CLVS1: variants seen among roughly 807,000 people sequenced by gnomAD.
CLVS1 encodes clavesin-1.
In CLVS1, 10 loss-of-function variants were observed where a neutral mutation model predicts 33.1. The observed-to-expected ratio is 0.30, with a 90% CI of 0.19 to 0.51. The LOEUF is 0.51. Among genes scored for constraint, CLVS1 ranks in the 20% least tolerant of loss-of-function variants. The probability of loss-of-function intolerance (pLI) is 0.97; values close to 1 mark genes in which losing one functional copy is unlikely to be tolerated. For synonymous variants in CLVS1, 163 were observed against 166.1 expected (o/e 0.98, Z 0.14); for missense variants, 343 against 433.4 (o/e 0.79, Z 1.85).
the CLVS1 span, among the ~76,000 whole-genome samples, chr8:60,971,844 A>C: frequency 1.3e-5 from 2 of 148,924 alleles, no homozygotes; most frequent in African/African-American, 5.0e-5. Context: ...CATCACCCCC[A>C]CCCCCACCTT....
intron 2 of CLVS1, among the ~76,000 whole-genome samples, chr8:61,261,210 C>G (rs1183081454): frequency 6.6e-6 from 1 of 152,118 alleles, no homozygotes; most frequent in African/African-American, 2.4e-5. Context: ...GACCCTTGAC[C>G]AGCCCCATCC....
intron 3 of CLVS1, among the ~76,000 whole-genome samples, chr8:61,427,242 C>T (rs1350942631): frequency 6.6e-6 from 1 of 152,148 alleles, no homozygotes; most frequent in African/African-American, 2.4e-5. Flanking sequence ...TACTCTGCAG[C>T]CTATCACTCT....
intron 2 of CLVS1, among the ~76,000 whole-genome samples, chr8:61,328,257 C>T (rs890584156): frequency 3.9e-5 from 6 of 152,044 alleles, no homozygotes; most frequent in African/African-American, 9.7e-5. Context: ...GATAGGGACA[C>T]GTGGCAGAAA....
chr8:61,313,436 C>A (rs1046118663), intron 2 of CLVS1, among the ~76,000 whole-genome samples: 1 of 152,092 alleles, frequency 6.6e-6, no homozygotes, highest in African/African-American at 2.4e-5. Flanking sequence ...ATCCTAAGGA[C>A]AAATCAAGTT....
At chr8:61,074,517 A>G (rs1804873637) in intron 1 of CLVS1, among the ~76,000 whole-genome samples, 1 of 146,830 alleles carries the variant, frequency 6.8e-6, no homozygotes, top group Admixed American at 6.8e-5. Context: ...ATATATGTAT[A>G]TATGCAAATA....
At chr8:61,313,927 T>C (rs1351012057) in intron 2 of CLVS1, among the ~76,000 whole-genome samples, 2 of 151,858 alleles carry the variant, frequency 1.3e-5, no homozygotes, top group East Asian at 1.9e-4. Context: ...CACCTGGGAG[T>C]CATGGGCTCG....
At position 61,458,983 on chromosome 8, in the gene CLVS1, G is replaced by C. The variant is rs545167948; in HGVS notation, c.977+441G>C. On this transcript the variant is annotated intron_variant, in intron 5 of 5. Coordinates refer to ENST00000325897, the MANE Select transcript of CLVS1 (RefSeq NM_173519.3). ...TACAAATGAGAATAAGATGTCAAAAGAACAGAGAAGTATGCCTCAGGGAAT... is the reference window on the plus strand; with the variant it reads ...TACAAATGAGAATAAGATGTCAAAACAACAGAGAAGTATGCCTCAGGGAAT... Among the ~76,000 whole-genome samples the C allele has an allele frequency of 1.3e-5, 2 of 152,290 alleles. 1 individual carries two copies. The highest frequency in any genetic ancestry group is 4.8e-5 in the African/African-American group (2 of 41,568).
At chr8:61,478,953 G>A (rs1267124608) in intron 5 of CLVS1, among the ~76,000 whole-genome samples, 1 of 152,198 alleles carries the variant, frequency 6.6e-6, no homozygotes, top group African/African-American at 2.4e-5. Flanking sequence ...GAGATCCGCT[G>A]TTAGTCTGAT....
intron 1 of CLVS1, among the ~76,000 whole-genome samples, chr8:61,109,083 G>T (rs1585616069): frequency 1.3e-5 from 2 of 152,228 alleles, no homozygotes; most frequent in East Asian, 3.8e-4. Flanking sequence ...AGGAGCTGGT[G>T]TGATCGGGGA....
chr8:61,460,399 G>A (rs982722553), intron 5 of CLVS1, among the ~76,000 whole-genome samples: 1 of 152,064 alleles, frequency 6.6e-6, no homozygotes, highest in Non-Finnish European at 1.5e-5. Context: ...ATAACTGAGG[G>A]TCCTAGGAAC....
At chr8:61,446,387 A>G (rs1387859508) in intron 3 of CLVS1, among the ~76,000 whole-genome samples, 2 of 152,216 alleles carry the variant, frequency 1.3e-5, no homozygotes, top group African/African-American at 4.8e-5. Flanking sequence ...TTATAACAAT[A>G]TGCCTGAAAC....
At position 61,300,164 on chromosome 8, in the gene CLVS1, G is replaced by A. The variant is rs763198625; in HGVS notation, c.337G>A (p.Ala113Thr). ...LNLDMFKNFK[A>T]DDPGIKRALI... The stretch of plus-strand genomic sequence containing the variant: ...CCTGGACATGTTCAAAAACTTCAAG[G>A]CAGATGATCCCGGCATTAAGAGGGC... Residue 113 changes from alanine to threonine, a missense_variant, in exon 2 of 6, where the codon GCA becomes ACA. Physicochemically the swap from Ala to Thr is moderately conservative, Grantham distance 58. Transcript: ENST00000325897. 2.5e-6 allele frequency: 4 copies of A among 1,613,900 alleles called. No homozygotes were observed. In the African/African-American group the frequency reaches 4.0e-5, roughly 16 times the overall value.
At chr8:61,118,817 G>A (rs1805797435) in intron 1 of CLVS1, among the ~76,000 whole-genome samples, 1 of 152,210 alleles carries the variant, frequency 6.6e-6, no homozygotes, top group African/African-American at 2.4e-5. Flanking sequence ...TGGAAGAGGT[G>A]TGGTGTGGTG....
At chr8:61,015,417 T>G in the CLVS1 span, among the ~76,000 whole-genome samples, 5 of 152,232 alleles carry the variant, frequency 3.3e-5, no homozygotes, top group African/African-American at 1.2e-4. Flanking sequence ...TAAATGGATT[T>G]ATCTTGTTTT....
intron 3 of CLVS1, among the ~76,000 whole-genome samples, chr8:61,437,932 A>C (rs1452988308): frequency 6.6e-6 from 1 of 152,246 alleles, no homozygotes; most frequent in African/African-American, 2.4e-5. Flanking sequence ...AGAGGAAATA[A>C]GACGTTGAAC....
the CLVS1 span, among the ~76,000 whole-genome samples, chr8:61,008,967 C>A: frequency 6.6e-6 from 1 of 152,176 alleles, no homozygotes; most frequent in African/African-American, 2.4e-5. Flanking sequence ...GAATCTATAT[C>A]TATACCTAAT....
intron 3 of CLVS1, among the ~76,000 whole-genome samples, chr8:61,441,038 A>G (rs1315106627): frequency 6.6e-6 from 1 of 152,226 alleles, no homozygotes; most frequent in Non-Finnish European, 1.5e-5. Context: ...TTCCTCACTA[A>G]TGACTGTCAC....
chr8:61,168,384 G>C (rs942997060), intron 2 of CLVS1, among the ~76,000 whole-genome samples: 1 of 152,182 alleles, frequency 6.6e-6, no homozygotes, highest in African/African-American at 2.4e-5. Context: ...AGCCTAATCA[G>C]TCACTAGTCT....
intron 5 of CLVS1, among the ~76,000 whole-genome samples, chr8:61,463,567 C>G (rs1363069484): frequency 1.3e-5 from 2 of 152,098 alleles, no homozygotes; most frequent in Non-Finnish European, 2.9e-5. Context: ...AGTTGCAATA[C>G]TGTTGTGTCT....
Sources: gnomAD v4.1 joint callset for allele counts (sites outside exome capture counted in the v4.1 genomes callset) on GRCh38, gnomAD v4.1.1 for gene constraint, MANE v1.5 for transcripts, NCBI Gene and HGNC (gene_info 2026-07-23, HGNC 2026-07-21) for gene names.